Variants in ZNF205 observed in about 807,000 individuals in gnomAD.
The protein encoded by ZNF205 is transcriptional repressor RHIT.
Under a neutral mutation model 53.6 loss-of-function variants are expected in ZNF205, and 32 were observed. The ratio of observed to expected loss-of-function variants is 0.60; its 90% CI spans 0.45 to 0.80. The LOEUF (loss-of-function observed/expected upper bound fraction) is 0.80, where lower values mean the gene tolerates loss of function less well. ZNF205 is among the 30% of genes least tolerant of loss of function. ZNF205 has a pLI of 0.00. For synonymous variants in ZNF205, 382 were observed against 334.3 expected (o/e 1.14, Z -1.56); for missense variants, 836 against 782.4 (o/e 1.07, Z -0.82).
Position 3,112,670 on chromosome 16 carries a change from T to G in ZNF205, c.-27T>G, listed in dbSNP as rs1486534928. ...CCCCCACTGCCGCAGGTGCCCCCTC[T>G]GCCTCCACCCCGGTGAGAAGGGGGT... On this transcript the variant is annotated 5_prime_UTR_variant, in exon 1 of 7. Coordinates refer to ENST00000219091, the MANE Select transcript of ZNF205 (RefSeq NM_001042428.2). 1.3e-5 allele frequency: 4 copies of G among 306,604 alleles called. No individual in the cohort carries two copies. Among genetic ancestry groups the G allele is most frequent in the African/African-American group, 6.5e-5 (3 of 46,074 alleles). 19.0% of individuals were successfully genotyped at this position (306,604 alleles called of 1,614,324 possible). A position where few individuals can be genotyped will look rare whatever the true frequency, so the allele number is the denominator to read the frequency against.
At position 3,119,945 on chromosome 16, in the gene ZNF205, T is replaced by C. The variant is rs1957401904; in HGVS notation, c.1285T>C (p.Phe429Leu). Residue 429 changes from phenylalanine to leucine, a missense_variant, in exon 7 of 7, where the codon TTC (phenylalanine) becomes CTC (leucine). Phe to Leu is a conservative substitution (Grantham distance 22). Coordinates refer to ENST00000219091, the MANE Select transcript of ZNF205 (RefSeq NM_001042428.2). Reference protein sequence around the residue: ...PHKCPICAKCFTQSSALVTHQ... With the variant: ...PHKCPICAKCLTQSSALVTHQ... Reference sequence around the variant, plus strand: ...CAAGTGCCCCATCTGCGCCAAGTGCTTCACGCAGAGCTCGGCGCTAGTCAC... The same window carrying C: ...CAAGTGCCCCATCTGCGCCAAGTGCCTCACGCAGAGCTCGGCGCTAGTCAC... 6.2e-7 allele frequency: 1 copy of C among 1,613,624 alleles called. No individual in the cohort carries two copies. The highest frequency in any genetic ancestry group is 8.5e-7 in the Non-Finnish European group (1 of 1,179,908).
At chr16:3,117,283 G>T (rs1311270934) in intron 5 of ZNF205, among the ~76,000 whole-genome samples, 1 of 152,074 alleles carries the variant, frequency 6.6e-6, no homozygotes. Flanking sequence ...TTGGCTTCGG[G>T]GCCCGAGGGC....
chr16:3,116,571 A>G (rs765886739), intron 5 of ZNF205, 24 bp downstream of exon 5: 1 of 1,609,622 alleles, frequency 6.2e-7, no homozygotes, highest in African/African-American at 1.3e-5. Context: ...TGGAGGGGGG[A>G]CTGGGGTGTT....
intron 1 of ZNF205, 166 bp downstream of exon 1, chr16:3,112,848 G>T: frequency 5.0e-6 from 1 of 201,016 alleles, no homozygotes; most frequent in Non-Finnish European, 1.0e-5. Context: ...AGGACCGAGA[G>T]CAGGATGGGC....
chr16:3,118,992 A>G lies in ZNF205; in HGVS notation c.572A>G (p.Lys191Arg). 6.2e-7 allele frequency: 1 copy of G among 1,613,470 alleles called. No individual in the cohort carries two copies. Among genetic ancestry groups the G allele is most frequent in the Non-Finnish European group, 8.5e-7 (1 of 1,179,938 alleles). Residue 191 changes from lysine to arginine, a missense_variant, in exon 6 of 7, where the codon AAG (lysine) becomes AGG (arginine). Transcript: ENST00000219091. ...SGSSRQAGDE[K>R]EWRGACTGAV... ...TCCAGCCGGCAGGCAGGAGATGAGA[A>G]GGAGTGGAGAGGCGCGTGCACAGGT...
chr16:3,114,026 C>T (rs549082130), intron 2 of ZNF205, among the ~76,000 whole-genome samples: 22 of 152,248 alleles, frequency 1.4e-4, no homozygotes, highest in African/African-American at 5.3e-4. Flanking sequence ...CTGTAAAATG[C>T]AGACCACATG....
At position 3,113,481 on chromosome 16, in the gene ZNF205, C is replaced by T. The variant is rs560290024; in HGVS notation, c.51C>T (p.Pro17=). Residue 17 remains proline (P), a synonymous_variant, in exon 2 of 7, where the codon CCC becomes CCT. Coordinates refer to ENST00000219091, the MANE Select transcript of ZNF205 (RefSeq NM_001042428.2). ...GIQDTQDKET[P]PEVPDRGHPH... Reference sequence around the variant, plus strand: ...AGGACACCCAGGACAAGGAGACACCCCCGGAGGTACAGATGGGGCTGGCTG... The same window carrying T: ...AGGACACCCAGGACAAGGAGACACCTCCGGAGGTACAGATGGGGCTGGCTG... 2.5e-6 allele frequency: 4 copies of T among 1,613,356 alleles called. No individual in the cohort carries two copies. The African/African-American group carries it at 4.0e-5, about 16-fold the overall frequency.
rs377026922 is a variant in ZNF205 at position 3,119,653 on chromosome 16, G to A, written c.993G>A (p.Thr331=). 1.6e-5 allele frequency: 25 copies of A among 1,611,758 alleles called. No individual in the cohort carries two copies. In the African/African-American group the frequency reaches 2.4e-4, roughly 16 times the overall value. Residue 331 remains threonine (T), a synonymous_variant, in exon 7 of 7, where the codon ACG becomes ACA. Transcript: ENST00000219091. ...TGGTGACGCACCGGCGCACGCACAC[G>A]GGCGAGAAGCCCTACGCCTGCACTG... ...SHLVTHRRTH[T]GEKPYACTDC... is the part of the protein sequence containing the mutation.
rs547718673 is a variant in ZNF205 at position 3,119,111 on chromosome 16, C to G, written c.595+96C>G. 1.6e-4 allele frequency: 250 copies of G among 1,518,398 alleles called. 2 individuals are homozygous for G. In the African/African-American group the frequency reaches 2.9e-3, roughly 18 times the overall value. The allele number at this position is 1,518,398 out of a possible 1,614,324, so 94.1% of individuals were successfully genotyped here. On this transcript the variant is annotated intron_variant, in intron 6 of 6. Coordinates refer to ENST00000219091, the MANE Select transcript of ZNF205 (RefSeq NM_001042428.2). The stretch of plus-strand genomic sequence containing the variant: ...GGGAGTGGGGCAGGGCCACCAGACC[C>G]CCTCCTGGGCGGTTTGCGCCCAGGG...
In ZNF205 at chr16:3,115,896, AGC is replaced by A; in HGVS notation, c.342_343del (p.Leu115ProfsTer64). ...GRTRDRQMAAALLTAWSQMPV... is the reference protein window; with the variant it reads ...GRTRDRQMAAXLLTAWSQMPV... Reference sequence around the variant, plus strand: ...GGACCAGAGACCGGCAGATGGCTGCAGCGCTCCTCACTGCCTGGTCCCAGGTG... The same window carrying A: ...GGACCAGAGACCGGCAGATGGCTGCAGCTCCTCACTGCCTGGTCCCAGGTG... On this transcript the variant is annotated frameshift_variant, in exon 4 of 7. Transcript: ENST00000219091. LOFTEE classifies it high-confidence loss of function. 5.6e-6 allele frequency: 9 copies of A among 1,613,928 alleles called. No homozygotes were observed. The highest frequency in any genetic ancestry group is 7.6e-6 in the Non-Finnish European group (9 of 1,179,984).
In ZNF205 at chr16:3,119,669, G is replaced by A. The variant is rs764550290; in HGVS notation, c.1009G>A (p.Ala337Thr). Residue 337 changes from alanine (A) to threonine (T), a missense_variant, in exon 7 of 7, where the codon GCC (alanine) becomes ACC (threonine). By Grantham distance (58) the Ala-to-Thr change is moderately conservative (BLOSUM62 0). Coordinates refer to ENST00000219091, the MANE Select transcript of ZNF205 (RefSeq NM_001042428.2). ...RRTHTGEKPY[A>T]CTDCGKRFGR... The stretch of plus-strand genomic sequence containing the variant: ...CACGCACACGGGCGAGAAGCCCTAC[G>A]CCTGCACTGACTGCGGGAAGCGCTT... The A allele has an allele frequency of 4.3e-6, 7 of 1,610,528 alleles. No homozygotes were observed. Among genetic ancestry groups the A allele is most frequent in the South Asian group, 2.2e-5 (2 of 90,936 alleles).
intron 5 of ZNF205, 77 bp from the exon 6 acceptor site, chr16:3,118,828 T>C (rs146087418): frequency 0.029 from 42,382 of 1,451,130 alleles, 775 homozygotes; most frequent in Non-Finnish European, 0.035. Flanking sequence ...CTTGGGCCCA[T>C]CAGTTTTGGG....
intron 5 of ZNF205, among the ~76,000 whole-genome samples, chr16:3,118,690 C>T (rs866436547): frequency 3.9e-5 from 6 of 152,180 alleles, no homozygotes; most frequent in Non-Finnish European, 4.4e-5. Context: ...CTCCGTTGCT[C>T]TTTCAGGGAA....
chr16:3,118,973 C>A lies in ZNF205; in HGVS notation c.553C>A (p.Arg185=). The A allele has an allele frequency of 6.2e-7, 1 of 1,613,690 alleles. No homozygotes were observed. The highest frequency in any genetic ancestry group is 8.5e-7 in the Non-Finnish European group (1 of 1,179,978). ...HGKGEASGSS[R]QAGDEKEWRG... ...CAAGGGTGAGGCCTCGGGCTCCAGC[C>A]GGCAGGCAGGAGATGAGAAGGAGTG... The change falls in exon 6 of 7, where the codon CGG becomes AGG. Residue 185 remains arginine, a synonymous_variant. Coordinates refer to ENST00000219091, the MANE Select transcript of ZNF205 (RefSeq NM_001042428.2).
intron 4 of ZNF205, 112 bp downstream of exon 4, chr16:3,116,032 G>A: frequency 1.7e-6 from 2 of 1,185,328 alleles, no homozygotes; most frequent in Non-Finnish European, 2.4e-6. Context: ...CCTGAAGCCT[G>A]GGGCTCTTGC....
rs879200960 is a variant in ZNF205 at position 3,120,357 on chromosome 16, G to A, written c.*32G>A. Reference sequence around the variant, plus strand: ...AGGAAAGGGGGAGCGGGGCGCCCAGGGCCACTGGAACAGCCCCACTGGAGT... The same window carrying A: ...AGGAAAGGGGGAGCGGGGCGCCCAGAGCCACTGGAACAGCCCCACTGGAGT... On this transcript the variant is annotated 3_prime_UTR_variant, in exon 7 of 7. Transcript: ENST00000219091. 4.1e-6 allele frequency: 6 copies of A among 1,469,982 alleles called. No homozygotes were observed. The East Asian group carries it at 7.4e-5, about 18-fold the overall frequency. The allele number at this position is 1,469,982 out of a possible 1,614,324, so 91.1% of individuals were successfully genotyped here. A position where few individuals can be genotyped will look rare whatever the true frequency, so the allele number is the denominator to read the frequency against.
chr16:3,116,326 T>G, intron 4 of ZNF205, 101 bp from the exon 5 acceptor site: 3 of 1,541,294 alleles, frequency 1.9e-6, no homozygotes, highest in Non-Finnish European at 2.6e-6. Flanking sequence ...CTCGACACAG[T>G]GGGTTGGGAG....
chr16:3,115,443 T>G lies in ZNF205; in HGVS notation c.146T>G (p.Ile49Ser). Residue 49 changes from isoleucine to serine, a missense_variant, in exon 3 of 7, where the codon ATT becomes AGT. Ile to Ser is a moderately radical substitution (Grantham distance 142). Coordinates refer to ENST00000219091, the MANE Select transcript of ZNF205 (RefSeq NM_001042428.2). ...GGGGACACTCAGGAGTCACTGCACATTAAGATGGAGCCCGAAGAGCCACAC... is the reference window on the plus strand; with the variant it reads ...GGGGACACTCAGGAGTCACTGCACAGTAAGATGGAGCCCGAAGAGCCACAC... ...PSGDTQESLH[I>S]KMEPEEPHSE... 6.2e-7 allele frequency: 1 copy of G among 1,612,226 alleles called. No individual in the cohort carries two copies. Among genetic ancestry groups the G allele is most frequent in the Non-Finnish European group, 8.5e-7 (1 of 1,179,160 alleles).
chr16:3,120,120 A>G lies in ZNF205; in HGVS notation c.1460A>G (p.His487Arg). Residue 487 changes from histidine (H) to arginine (R), a missense_variant, in exon 7 of 7, where the codon CAC (histidine) becomes CGC (arginine). His to Arg is a conservative substitution (Grantham distance 29). Transcript: ENST00000219091. ...HCLDCGKSFS[H>R]SSHLTAHQRT... ...CTCGACTGCGGCAAGAGCTTCAGCC[A>G]CAGCTCGCACCTCACCGCGCACCAG... The G allele has an allele frequency of 6.2e-7, 1 of 1,613,292 alleles. No homozygotes were observed. The highest frequency in any genetic ancestry group is 2.2e-5 in the East Asian group (1 of 44,798).
Sources: gnomAD v4.1 joint callset for allele counts (sites outside exome capture counted in the v4.1 genomes callset) on GRCh38, gnomAD v4.1.1 for gene constraint, MANE v1.5 for transcripts, NCBI Gene and HGNC (gene_info 2026-07-23, HGNC 2026-07-21) for gene names.